Variants in HERC4 observed in about 807,000 individuals in gnomAD.
HERC4 encodes probable E3 ubiquitin-protein ligase HERC4.
A neutral mutation model predicts 124.3 loss-of-function variants in HERC4; 28 were observed. The ratio of observed to expected loss-of-function variants is 0.23; its 90% CI spans 0.17 to 0.31. The LOEUF (loss-of-function observed/expected upper bound fraction) is 0.31. Among genes scored for constraint, HERC4 ranks in the 10% least tolerant of loss-of-function variants. The probability of loss-of-function intolerance (pLI) is 1.00; values close to 1 mark genes in which losing one functional copy is unlikely to be tolerated. For synonymous variants in HERC4, 407 were observed against 421.5 expected, an observed-to-expected ratio of 0.97 and a Z score of 0.42; for missense variants, 713 against 1,229.3, an observed-to-expected ratio of 0.58 and a Z score of 6.28.
chr10:67,975,675 A>T (rs556061218), intron 15 of HERC4, among the ~76,000 whole-genome samples: 2 of 152,298 alleles, frequency 1.3e-5, no homozygotes, highest in South Asian at 4.1e-4. Flanking sequence ...AACTCACTAT[A>T]TGACTGTCCA....
chr10:68,000,558 G>C lies in HERC4; in HGVS notation c.1070-7876C>G, dbSNP rs1481094738. Among the ~76,000 whole-genome samples the C allele has an allele frequency of 2.1e-5, 3 of 145,774 alleles. No homozygotes were observed. In the East Asian group the frequency reaches 5.9e-4, roughly 29 times the overall value. ...CATGCCACTGCACTCCAGCCTAGGC[G>C]ACAGAGCCAGACTGTCTCAAAAAAA... is the stretch of plus-strand genomic sequence containing the variant. On this transcript the variant is annotated intron_variant, in intron 9 of 24. Transcript: ENST00000373700.
intron 15 of HERC4, among the ~76,000 whole-genome samples, chr10:67,984,490 A>C (rs2036142529): frequency 6.6e-6 from 1 of 152,090 alleles, no homozygotes; most frequent in South Asian, 2.1e-4. Flanking sequence ...GGTTACCAGA[A>C]GCTGGGAAGG....
At chr10:67,978,033 T>G (rs529758437) in intron 15 of HERC4, among the ~76,000 whole-genome samples, 3 of 150,020 alleles carry the variant, frequency 2.0e-5, no homozygotes, top group African/African-American at 7.4e-5. Context: ...CCCAGCAAGT[T>G]TGGGAGGCCA....
At chr10:67,959,541 ATC>A (rs1422221477) in intron 16 of HERC4, among the ~76,000 whole-genome samples, 2 of 152,214 alleles carry the variant, frequency 1.3e-5, no homozygotes. Context: ...AGACTTTAAA[ATC>A]TCAGCAAAAT....
chr10:68,057,943 C>T (rs1406871449), intron 3 of HERC4, among the ~76,000 whole-genome samples: 3 of 152,066 alleles, frequency 2.0e-5, no homozygotes, highest in Non-Finnish European at 4.4e-5. Flanking sequence ...TCAGGCAATC[C>T]GCCTGCCTTG....
chr10:67,965,359 T>G lies in HERC4; in HGVS notation c.1926+1324A>C, dbSNP rs182973823. Reference sequence around the variant, plus strand: ...GAATTCCATGAGAAACAAGGCTCTGTCTGGTTCACCACTGTATTTCCAATA... The same window carrying G: ...GAATTCCATGAGAAACAAGGCTCTGGCTGGTTCACCACTGTATTTCCAATA... On this transcript the variant is annotated intron_variant, in intron 16 of 24. Transcript: ENST00000373700. The G allele has an allele frequency of 3.9e-5, 6 of 152,348 alleles. No homozygotes were observed. The East Asian group carries it at 1.2e-3, about 29-fold the overall frequency. The allele number at this position is 152,348 out of a possible 1,614,324, so 9.4% of individuals were successfully genotyped here. A position where few individuals can be genotyped will look rare whatever the true frequency, so the allele number is the denominator to read the frequency against.
intron 17 of HERC4, 21 bp downstream of exon 17, chr10:67,956,857 C>A (rs1273221928): frequency 1.5e-5 from 21 of 1,364,218 alleles, no homozygotes; most frequent in South Asian, 2.7e-5. Context: ...AAAAAAAAAA[C>A]CCTCTCAAAT....
chr10:68,034,821 C>CT (rs1178913773), intron 5 of HERC4, among the ~76,000 whole-genome samples: 13 of 145,920 alleles, frequency 8.9e-5, no homozygotes, highest in South Asian at 6.5e-4. Context: ...ACTCCTCTCT[C>CT]TTTTTTTTTT....
chr10:67,966,974 C>A (rs1179256112), intron 15 of HERC4, among the ~76,000 whole-genome samples, 172 bp from the exon 16 acceptor site: 1 of 152,194 alleles, frequency 6.6e-6, no homozygotes, highest in African/African-American at 2.4e-5. Flanking sequence ...CCTGCCTCAG[C>A]CTCCTGAGTA....
At chr10:68,071,974 A>G (rs948141867) in intron 3 of HERC4, among the ~76,000 whole-genome samples, 1 of 152,200 alleles carries the variant, frequency 6.6e-6, no homozygotes, top group Non-Finnish European at 1.5e-5. Flanking sequence ...AGATTACATT[A>G]ATCTCTCAAA....
At chr10:67,989,237 A>C (rs1247669291) in intron 14 of HERC4, among the ~76,000 whole-genome samples, 1 of 152,116 alleles carries the variant, frequency 6.6e-6, no homozygotes, top group Non-Finnish European at 1.5e-5. Flanking sequence ...TCTAACTTTT[A>C]TCTTTCAATT....
chr10:68,061,633 C>G (rs2041020873), intron 3 of HERC4, among the ~76,000 whole-genome samples: 1 of 148,490 alleles, frequency 6.7e-6, no homozygotes, highest in Non-Finnish European at 1.5e-5. Context: ...AATCCTAGCA[C>G]TTTGGGAGGC....
At chr10:67,968,563 G>C (rs1286339917) in intron 15 of HERC4, among the ~76,000 whole-genome samples, 3 of 151,856 alleles carry the variant, frequency 2.0e-5, no homozygotes, top group Non-Finnish European at 4.4e-5. Context: ...TTTTAGTAGA[G>C]ATGGGGTTTC....
chr10:67,963,370 C>T (rs554614824), intron 16 of HERC4, among the ~76,000 whole-genome samples: 48 of 152,218 alleles, frequency 3.2e-4, no homozygotes, highest in African/African-American at 1.1e-3. Context: ...GTGCCCGCCA[C>T]GATGCTTGGC....
intron 9 of HERC4, among the ~76,000 whole-genome samples, chr10:68,008,447 A>T (rs1461793504): frequency 6.6e-6 from 1 of 152,134 alleles, no homozygotes; most frequent in African/African-American, 2.4e-5. Flanking sequence ...CTTGAATTTT[A>T]TTACTCAAAT....
chr10:67,973,076 C>T (rs1184446778), intron 15 of HERC4, among the ~76,000 whole-genome samples: 2 of 152,052 alleles, frequency 1.3e-5, no homozygotes, highest in East Asian at 3.9e-4. Context: ...AATGTGACAG[C>T]ATGTTAACAA....
At chr10:68,027,399 G>A (rs1421465476) in intron 7 of HERC4, among the ~76,000 whole-genome samples, 2 of 152,246 alleles carry the variant, frequency 1.3e-5, no homozygotes, top group East Asian at 3.9e-4. Flanking sequence ...AAGAACTTGA[G>A]TACTTTAAAG....
At chr10:68,026,225 A>G (rs1201916732) in intron 7 of HERC4, among the ~76,000 whole-genome samples, 1 of 152,074 alleles carries the variant, frequency 6.6e-6, no homozygotes, top group Admixed American at 6.5e-5. Context: ...CCTCCTAAGT[A>G]GCTGGGAGTG....
At chr10:67,994,368 T>C (rs1344467708) in intron 9 of HERC4, 2 of 152,186 alleles carry the variant, frequency 1.3e-5, no homozygotes, top group South Asian at 4.1e-4. Context: ...AGTACATGAA[T>C]GGGTTTCTGG....
Sources: allele counts gnomAD v4.1 joint callset (sites outside exome capture counted in the v4.1 genomes callset), GRCh38; gene constraint gnomAD v4.1.1; transcripts MANE v1.5; gene names NCBI Gene and HGNC (gene_info 2026-07-23, HGNC 2026-07-21).